Variants in UNC13C observed in about 807,000 individuals in gnomAD.
UNC13C encodes the protein protein unc-13 homolog C.
In UNC13C, 174 loss-of-function variants were observed where a neutral mutation model predicts 245.4. The observed-to-expected ratio is 0.71, with a 90% confidence interval of 0.63 to 0.80. The LOEUF is 0.80. Among genes scored for constraint, UNC13C ranks in the 30% least tolerant of loss-of-function variants. The probability of loss-of-function intolerance (pLI) is 0.00; values close to 1 mark genes in which losing one functional copy is unlikely to be tolerated. For missense variants in UNC13C, 2,829 were observed against 2,602.9 expected (o/e 1.09, Z -1.89); for synonymous variants, 992 against 895.1 (o/e 1.11, Z -1.93).
intron 2 of UNC13C, among the ~76,000 whole-genome samples, chr15:54,093,770 A>AT (rs1341507377): frequency 6.6e-6 from 1 of 152,198 alleles, no homozygotes; most frequent in Non-Finnish European, 1.5e-5. Flanking sequence ...GAAAAGTCAC[A>AT]TTCAGCTTTT....
intron 2 of UNC13C, among the ~76,000 whole-genome samples, chr15:54,091,258 A>G (rs901900905): frequency 6.6e-6 from 1 of 152,188 alleles, no homozygotes; most frequent in East Asian, 1.9e-4. Flanking sequence ...CTCTCTTGAC[A>G]TGTTCCTCAG....
chr15:54,006,261 T>C (rs1895131998), intron 1 of UNC13C, among the ~76,000 whole-genome samples: 1 of 152,180 alleles, frequency 6.6e-6, no homozygotes, highest in Non-Finnish European at 1.5e-5. Flanking sequence ...GAATAAAGTA[T>C]GTATGTGGGT....
At chr15:54,264,043 G>A in intron 8 of UNC13C, 125 bp from the exon 9 acceptor site, 1 of 897,506 alleles carries the variant, frequency 1.1e-6, no homozygotes, top group Non-Finnish European at 1.7e-6. Flanking sequence ...TTTCTAAAAA[G>A]CCACCTGACT....
chr15:54,468,779 GCTCT>G, intron 19 of UNC13C, among the ~76,000 whole-genome samples: 1 of 151,622 alleles, frequency 6.6e-6, no homozygotes, highest in South Asian at 2.1e-4. Flanking sequence ...TTATTTCTGG[GCTCT>G]CTATCCTGTT....
At chr15:54,457,897 T>TG (rs1459943190) in intron 19 of UNC13C, among the ~76,000 whole-genome samples, 1 of 151,186 alleles carries the variant, frequency 6.6e-6, no homozygotes, top group Non-Finnish European at 1.5e-5. Flanking sequence ...TTTTCGTTTT[T>TG]TTTTTTTTCC....
At chr15:53,977,108 C>T (rs1893733989), upstream of UNC13C, among the ~76,000 whole-genome samples, 1 of 152,102 alleles carries the variant, frequency 6.6e-6, no homozygotes, top group Non-Finnish European at 1.5e-5. Flanking sequence ...GATCATTAGA[C>T]CTTGAGCAGC....
chr15:54,447,444 T>C (rs1289266509), intron 19 of UNC13C, among the ~76,000 whole-genome samples: 2 of 152,202 alleles, frequency 1.3e-5, no homozygotes, highest in Non-Finnish European at 2.9e-5. Flanking sequence ...TTGCCTCAAT[T>C]TCAGAGCCTG....
rs2034898523 is a variant in UNC13C at position 54,212,098 on chromosome 15, G to T, written c.3072-22932G>T. Among the ~76,000 whole-genome samples, 3 of 152,158 alleles carry T rather than the reference G, an allele frequency of 2.0e-5. No homozygotes were observed. The South Asian group carries it at 6.2e-4, about 32-fold the overall frequency. On this transcript the variant is annotated intron_variant, in intron 4 of 32. Coordinates refer to ENST00000260323, the MANE Select transcript of UNC13C (RefSeq NM_001080534.3). ...TTTTGGGACCAGCACTTGCTGACTGGTACAACATTGCTACCTTTGTTCCAT... is the reference window on the plus strand; with the variant it reads ...TTTTGGGACCAGCACTTGCTGACTGTTACAACATTGCTACCTTTGTTCCAT...
At chr15:54,296,825 G>C (rs1384377065) in intron 11 of UNC13C, among the ~76,000 whole-genome samples, 1 of 152,074 alleles carries the variant, frequency 6.6e-6, no homozygotes, top group Non-Finnish European at 1.5e-5. Flanking sequence ...TCTGTGTTTT[G>C]TATCTGAAAT....
chr15:54,179,826 A>T lies in UNC13C; in HGVS notation c.3071+36142A>T, dbSNP rs569193658. On this transcript the variant is annotated intron_variant, in intron 4 of 32. Transcript: ENST00000260323. Reference sequence around the variant, plus strand: ...ACCCAAGCAGGATAAATAAGAAATGATCACAACAAAGATCACTGCAGTCAA... The same window carrying T: ...ACCCAAGCAGGATAAATAAGAAATGTTCACAACAAAGATCACTGCAGTCAA... 1.1e-4 allele frequency among the ~76,000 whole-genome samples: 16 copies of T among 152,226 alleles called. No homozygotes were observed. The East Asian group carries it at 2.7e-3, about 26-fold the overall frequency.
intron 17 of UNC13C, among the ~76,000 whole-genome samples, chr15:54,350,175 A>G (rs2038950577): frequency 6.6e-6 from 1 of 152,126 alleles, no homozygotes; most frequent in Non-Finnish European, 1.5e-5. Context: ...TATTTTTAGT[A>G]CTGACGGGGT....
chr15:54,407,283 A>G (rs2040314037), intron 18 of UNC13C, among the ~76,000 whole-genome samples: 1 of 152,152 alleles, frequency 6.6e-6, no homozygotes, highest in Admixed American at 6.5e-5. Flanking sequence ...TGAATTAGGA[A>G]CAGGGAAGAG....
the UNC13C span, among the ~76,000 whole-genome samples, chr15:53,932,609 T>C: frequency 2.0e-5 from 3 of 152,204 alleles, no homozygotes; most frequent in African/African-American, 4.8e-5. Context: ...CTCCTATCTC[T>C]GTTCATACTC....
chr15:54,027,525 A>G (rs1896165061), intron 2 of UNC13C, among the ~76,000 whole-genome samples: 1 of 152,084 alleles, frequency 6.6e-6, no homozygotes, highest in Non-Finnish European at 1.5e-5. Context: ...ATGTGCCACC[A>G]CGCCTGGCTA....
chr15:54,179,789 A>T (rs1567073252), intron 4 of UNC13C, among the ~76,000 whole-genome samples: 1 of 152,090 alleles, frequency 6.6e-6, no homozygotes, highest in Non-Finnish European at 1.5e-5. Flanking sequence ...ACGAATTCAA[A>T]AGTCTAACAG....
At chr15:54,452,886 G>T (rs556472298) in intron 19 of UNC13C, among the ~76,000 whole-genome samples, 3 of 152,196 alleles carry the variant, frequency 2.0e-5, no homozygotes, top group Non-Finnish European at 4.4e-5. Flanking sequence ...AAATAGAGTT[G>T]CTGCCAGTGG....
rs112253175 is a variant in UNC13C at position 54,331,275 on chromosome 15, G to T, written c.4426-768G>T. Among the ~76,000 whole-genome samples, 875 of 152,080 alleles carry T rather than the reference G, an allele frequency of 5.8e-3. 4 individuals are homozygous for T. Among genetic ancestry groups the T allele is most frequent in the African/African-American group, 0.02 (836 of 41,534 alleles). Reference sequence around the variant, plus strand: ...AGAATAGTGGAGTGTCTACCTATAAGGTTTGTATGTGTGACTTTTATGTTT... The same window carrying T: ...AGAATAGTGGAGTGTCTACCTATAATGTTTGTATGTGTGACTTTTATGTTT... On this transcript the variant is annotated intron_variant, in intron 14 of 32. Coordinates refer to ENST00000260323, the MANE Select transcript of UNC13C (RefSeq NM_001080534.3).
At chr15:54,477,917 C>T (rs1476775746) in intron 19 of UNC13C, among the ~76,000 whole-genome samples, 2 of 147,178 alleles carry the variant, frequency 1.4e-5, no homozygotes, top group Admixed American at 6.7e-5. Context: ...TGGTAGAATT[C>T]GGCTGTGAAT....
At chr15:54,336,439 TA>T (rs56048845) in intron 16 of UNC13C, among the ~76,000 whole-genome samples, 97,704 of 151,288 alleles carry the variant, frequency 0.65, 32,355 homozygotes, top group African/African-American at 0.76. Flanking sequence ...GTCTTTTAAT[TA>T]ATCTTAAAAT....
Sources: gnomAD v4.1 joint callset for allele counts (sites outside exome capture counted in the v4.1 genomes callset) on GRCh38, gnomAD v4.1.1 for gene constraint, MANE v1.5 for transcripts, NCBI Gene and HGNC (gene_info 2026-07-23, HGNC 2026-07-21) for gene names.